MAML3: variants seen among roughly 807,000 people sequenced by gnomAD.
MAML3 encodes mastermind-like protein 3.
In MAML3, 27 loss-of-function variants were observed where a neutral mutation model predicts 101.9. That is an observed-to-expected ratio of 0.27 (90% CI 0.20 to 0.37). MAML3 has a LOEUF of 0.37. Among genes scored for constraint, MAML3 ranks in the 10% least tolerant of loss-of-function variants. The pLI is 1.00. For missense variants in MAML3, 1,316 were observed against 1,444.9 expected, an observed-to-expected ratio of 0.91 and a Z score of 1.45; for synonymous variants, 501 against 555.9, an observed-to-expected ratio of 0.90 and a Z score of 1.39.
Position 139,720,351 on chromosome 4 carries a change from C to T in MAML3, c.2417-28G>A, listed in dbSNP as rs1728187158. On this transcript the variant is annotated intron_variant, in intron 4 of 4. Coordinates refer to ENST00000509479, the MANE Select transcript of MAML3 (RefSeq NM_018717.5). ...GCAGTGAAAAAGAGGACACATACCA[C>T]TCACTCTTCTCCATAAGCAATATAC... 3.3e-6 allele frequency: 5 copies of T among 1,506,942 alleles called. No individual in the cohort carries two copies. In the South Asian group the frequency reaches 6.7e-5, roughly 20 times the overall value. 93.3% of individuals were successfully genotyped at this position (1,506,942 alleles called of 1,614,324 possible).
chr4:140,134,874 G>A (rs905810045), intron 1 of MAML3, among the ~76,000 whole-genome samples: 17 of 152,150 alleles, frequency 1.1e-4, no homozygotes, highest in Non-Finnish European at 7.3e-5. Flanking sequence ...ACAATGGCAC[G>A]GGCTACAGCC....
At chr4:139,757,002 C>A (rs1455706296) in intron 2 of MAML3, among the ~76,000 whole-genome samples, 2 of 152,128 alleles carry the variant, frequency 1.3e-5, no homozygotes, top group East Asian at 3.9e-4. Flanking sequence ...AATCAGTGAC[C>A]TTGCCCACTG....
intron 1 of MAML3, among the ~76,000 whole-genome samples, chr4:140,119,703 C>A (rs1728574275): frequency 6.8e-6 from 1 of 147,104 alleles, no homozygotes; most frequent in African/African-American, 2.5e-5. Context: ...CTCACTGCAG[C>A]CTCCAACTGC....
chr4:139,905,231 G>A (rs572925677), intron 1 of MAML3, among the ~76,000 whole-genome samples: 16 of 152,280 alleles, frequency 1.1e-4, no homozygotes, highest in East Asian at 3.9e-4. Context: ...AGTGGCTCAC[G>A]CCTATAATCC....
Position 139,718,065 on chromosome 4 carries a change from TG to T in MAML3, c.*1257del, listed in dbSNP as rs2110947155. The T allele has an allele frequency of 6.6e-6, 1 of 152,276 alleles. No individual in the cohort carries two copies. The highest frequency in any genetic ancestry group is 2.1e-4 in the South Asian group (1 of 4,830). The allele number at this position is 152,276 out of a possible 1,614,324, so 9.4% of individuals were successfully genotyped here. On this transcript the variant is annotated 3_prime_UTR_variant, in exon 5 of 5. Transcript: ENST00000509479. ...TATTTGTCTTTCTGATGAGTAGGGA[TG>T]ATGGGAAAGGTGGATTTTTAGAGCA...
chr4:140,140,387 G>A (rs1728961223), intron 1 of MAML3, among the ~76,000 whole-genome samples: 1 of 151,914 alleles, frequency 6.6e-6, no homozygotes, highest in Non-Finnish European at 1.5e-5. Flanking sequence ...ATACTGGATG[G>A]CCTAGGTGCA....
At position 140,126,695 on chromosome 4, in the gene MAML3, C is replaced by G. The variant is rs140016527; in HGVS notation, c.468+26165G>C. Among the ~76,000 whole-genome samples, 534 of 152,290 alleles carry G rather than the reference C, an allele frequency of 3.5e-3. 1 individual carries two copies. The highest frequency in any genetic ancestry group is 5.6e-3 in the Non-Finnish European group (383 of 68,016). ...CGCAACCCAGACCTCTGGCTAAACT[C>G]TAGTCCTATACATCCAAATGACTAC... On this transcript the variant is annotated intron_variant, in intron 1 of 4. Coordinates refer to ENST00000509479, the MANE Select transcript of MAML3 (RefSeq NM_018717.5).
chr4:140,104,381 A>ATTATATATTATATATTATATAATATAT (rs372554351), intron 1 of MAML3, among the ~76,000 whole-genome samples: 2 of 47,738 alleles, frequency 4.2e-5, no homozygotes, highest in African/African-American at 9.9e-5. Context: ...TATATAATAT[A>ATTATATATTATATATTATATAATATAT]TATATATTAT....
chr4:139,823,444 G>A (rs947247539), intron 2 of MAML3, among the ~76,000 whole-genome samples: 1 of 152,128 alleles, frequency 6.6e-6, no homozygotes, highest in African/African-American at 2.4e-5. Context: ...AGCAACAAAG[G>A]CCATGAACTG....
chr4:139,994,506 A>G (rs1734764509), intron 1 of MAML3, among the ~76,000 whole-genome samples: 1 of 152,118 alleles, frequency 6.6e-6, no homozygotes, highest in Non-Finnish European at 1.5e-5. Flanking sequence ...CTCTAAGAAG[A>G]AAAATTGGTG....
At chr4:139,862,931 A>T (rs1486194105) in intron 2 of MAML3, among the ~76,000 whole-genome samples, 2 of 152,104 alleles carry the variant, frequency 1.3e-5, no homozygotes, top group Non-Finnish European at 2.9e-5. Flanking sequence ...CTCTTCTACA[A>T]AATGGGAATA....
At chr4:140,117,649 G>GTATATATA (rs57634970) in intron 1 of MAML3, among the ~76,000 whole-genome samples, 1 of 148,508 alleles carries the variant, frequency 6.7e-6, no homozygotes, top group Non-Finnish European at 1.5e-5. Context: ...GTGTATACAG[G>GTATATATA]TATATATATA....
At chr4:139,946,673 A>G (rs545831521) in intron 1 of MAML3, among the ~76,000 whole-genome samples, 1 of 152,294 alleles carries the variant, frequency 6.6e-6, no homozygotes, top group Non-Finnish European at 1.5e-5. Context: ...ATCCTTCCAA[A>G]CAGCCCAGGT....
intron 1 of MAML3, among the ~76,000 whole-genome samples, chr4:140,047,424 G>A (rs1169007339): frequency 1.3e-5 from 2 of 152,174 alleles, no homozygotes; most frequent in East Asian, 1.9e-4. Flanking sequence ...AGGTTTACTT[G>A]GCGGAATTGC....
At position 139,725,744 on chromosome 4, in the gene MAML3, G is replaced by A; in HGVS notation, c.2416+7C>T. The A allele has an allele frequency of 6.2e-7, 1 of 1,613,662 alleles. No individual in the cohort carries two copies. Among genetic ancestry groups the A allele is most frequent in the Non-Finnish European group, 8.5e-7 (1 of 1,179,618 alleles). On this transcript the variant is annotated splice_region_variant and intron_variant, in intron 4 of 4. Transcript: ENST00000509479. Reference sequence around the variant, plus strand: ...GTATAAAATGAGAGAGGTTGCACTGGCCTCACCTTGAAACTGATTGACCTG... The same window carrying A: ...GTATAAAATGAGAGAGGTTGCACTGACCTCACCTTGAAACTGATTGACCTG...
At chr4:139,892,799 C>T (rs147528023) in intron 1 of MAML3, among the ~76,000 whole-genome samples, 235 of 152,056 alleles carry the variant, frequency 1.5e-3, no homozygotes, top group African/African-American at 5.4e-3. Flanking sequence ...GGCGTGGTGG[C>T]GGGCGCCTTT....
chr4:140,094,046 T>C (rs1157792829), intron 1 of MAML3, among the ~76,000 whole-genome samples: 4 of 152,206 alleles, frequency 2.6e-5, no homozygotes, highest in Non-Finnish European at 5.9e-5. Flanking sequence ...GCCTGGTCTC[T>C]GGGTCTAAAA....
At chr4:139,940,056 G>A (rs540247916) in intron 1 of MAML3, among the ~76,000 whole-genome samples, 8 of 152,238 alleles carry the variant, frequency 5.3e-5, no homozygotes, top group South Asian at 2.1e-4. Context: ...GAGCCACCGC[G>A]TCCAGCCCAA....
intron 1 of MAML3, among the ~76,000 whole-genome samples, chr4:140,008,943 A>G (rs1314511232): frequency 6.6e-6 from 1 of 152,272 alleles, no homozygotes; most frequent in African/African-American, 2.4e-5. Context: ...TTCATAAATT[A>G]TAATTTGCAT....
Sources: allele counts gnomAD v4.1 joint callset (sites outside exome capture counted in the v4.1 genomes callset), GRCh38; gene constraint gnomAD v4.1.1; transcripts MANE v1.5; gene names NCBI Gene and HGNC (gene_info 2026-07-23, HGNC 2026-07-21).